Variants in CDK14 observed in about 807,000 individuals in gnomAD.
CDK14 encodes the protein cyclin-dependent kinase 14.
A neutral mutation model predicts 60.7 loss-of-function variants in CDK14; 34 were observed. The ratio of observed to expected loss-of-function variants is 0.56; its 90% CI spans 0.43 to 0.75. The LOEUF (loss-of-function observed/expected upper bound fraction) is 0.75. Ranked by LOEUF, CDK14 falls within the 30% of genes least tolerant of loss-of-function variation. The pLI is 0.00. For missense variants in CDK14, 482 were observed against 564.1 expected, an observed-to-expected ratio of 0.85 and a Z score of 1.47; for synonymous variants, 197 against 203.7, an observed-to-expected ratio of 0.97 and a Z score of 0.28.
At chr7:91,206,885 C>T (rs1029725079) in intron 14 of CDK14, among the ~76,000 whole-genome samples, 1 of 152,090 alleles carries the variant, frequency 6.6e-6, no homozygotes, top group South Asian at 2.1e-4. Context: ...TGCTGAATTT[C>T]TTTTTCTCTA....
intron 14 of CDK14, among the ~76,000 whole-genome samples, chr7:91,125,918 T>C (rs536511298): frequency 6.6e-6 from 1 of 152,306 alleles, no homozygotes; most frequent in South Asian, 2.1e-4. Context: ...CAATTACATA[T>C]AATAATTACT....
At chr7:91,038,139 C>T (rs1796984982) in intron 10 of CDK14, among the ~76,000 whole-genome samples, 1 of 152,154 alleles carries the variant, frequency 6.6e-6, no homozygotes, top group African/African-American at 2.4e-5. Flanking sequence ...TTTGCATTAC[C>T]ATTCTGCTCC....
chr7:91,050,279 A>G (rs1797353279), intron 11 of CDK14, among the ~76,000 whole-genome samples: 1 of 152,164 alleles, frequency 6.6e-6, no homozygotes, highest in Non-Finnish European at 1.5e-5. Context: ...GGGCCAGAGA[A>G]GAAGCAGGGG....
At chr7:91,185,299 C>A (rs1802137672) in intron 14 of CDK14, among the ~76,000 whole-genome samples, 1 of 131,718 alleles carries the variant, frequency 7.6e-6, no homozygotes, top group Admixed American at 7.8e-5. Context: ...TCAGTTCTAA[C>A]CATCATGCCC....
intron 9 of CDK14, among the ~76,000 whole-genome samples, chr7:90,967,455 A>C (rs1455356226): frequency 6.6e-6 from 1 of 152,168 alleles, no homozygotes; most frequent in African/African-American, 2.4e-5. Context: ...CACAAATTTA[A>C]CTTGCATATG....
intron 2 of CDK14, among the ~76,000 whole-genome samples, chr7:90,634,880 C>T (rs1269931221): frequency 5.3e-5 from 8 of 152,034 alleles, no homozygotes; most frequent in South Asian, 2.1e-4. Flanking sequence ...TCTCTGATGG[C>T]CAGTGATGAT....
chr7:90,657,510 A>G (rs1015349794), intron 2 of CDK14, among the ~76,000 whole-genome samples: 1 of 152,194 alleles, frequency 6.6e-6, no homozygotes, highest in Non-Finnish European at 1.5e-5. Flanking sequence ...GATGTTCTAG[A>G]TCTATATAAA....
intron 2 of CDK14, among the ~76,000 whole-genome samples, chr7:90,702,933 A>G (rs1801818760): frequency 6.6e-6 from 1 of 152,102 alleles, no homozygotes; most frequent in African/African-American, 2.4e-5. Flanking sequence ...GAAAATTTGG[A>G]AAGCTGGGAC....
intron 4 of CDK14, among the ~76,000 whole-genome samples, chr7:90,783,401 A>G (rs988003000): frequency 1.4e-4 from 21 of 152,168 alleles, no homozygotes; most frequent in Non-Finnish European, 2.2e-4. Context: ...TGCCCAACCA[A>G]TGTTCTGAAG....
intron 12 of CDK14, among the ~76,000 whole-genome samples, chr7:91,110,502 C>A (rs2116345766): frequency 6.6e-6 from 1 of 152,238 alleles, no homozygotes; most frequent in Non-Finnish European, 1.5e-5. Flanking sequence ...TGGTTCATCA[C>A]TATTTTTCAA....
At chr7:90,973,592 A>G (rs541125441) in intron 9 of CDK14, among the ~76,000 whole-genome samples, 2 of 152,160 alleles carry the variant, frequency 1.3e-5, no homozygotes, top group South Asian at 2.1e-4. Flanking sequence ...GGTTCTTTCT[A>G]TTTTCCTAAG....
chr7:91,162,696 G>A (rs1444785956), intron 14 of CDK14, among the ~76,000 whole-genome samples: 1 of 152,176 alleles, frequency 6.6e-6, no homozygotes, highest in African/African-American at 2.4e-5. Context: ...ACCATATGAA[G>A]AAAATAATAG....
chr7:91,015,630 C>G (rs1217238174), intron 10 of CDK14, among the ~76,000 whole-genome samples: 1 of 145,974 alleles, frequency 6.9e-6, no homozygotes, highest in Non-Finnish European at 1.5e-5. Context: ...CGGGTTCAAG[C>G]CATTCTCCTG....
chr7:90,854,390 A>C (rs955337336), intron 5 of CDK14, among the ~76,000 whole-genome samples: 1 of 151,998 alleles, frequency 6.6e-6, no homozygotes, highest in African/African-American at 2.4e-5. Flanking sequence ...ACAACAACAA[A>C]ACATTAGCCA....
intron 2 of CDK14, among the ~76,000 whole-genome samples, chr7:90,706,069 C>G (rs1002281347): frequency 4.6e-5 from 7 of 152,114 alleles, no homozygotes; most frequent in Non-Finnish European, 1.0e-4. Context: ...TTGTTTTTCT[C>G]TCTGTCCACT....
chr7:90,610,599 C>T (rs1488365317), intron 2 of CDK14, among the ~76,000 whole-genome samples: 1 of 152,230 alleles, frequency 6.6e-6, no homozygotes, highest in Non-Finnish European at 1.5e-5. Context: ...AGAAGTCTGA[C>T]AAACAGTAGC....
intron 2 of CDK14, among the ~76,000 whole-genome samples, chr7:90,674,914 T>C (rs1327160125): frequency 1.3e-5 from 2 of 152,258 alleles, no homozygotes; most frequent in Non-Finnish European, 2.9e-5. Flanking sequence ...AGCTCAGCTC[T>C]GTCCATCTGG....
chr7:90,983,732 C>T (rs1795302883), intron 9 of CDK14, among the ~76,000 whole-genome samples: 1 of 151,850 alleles, frequency 6.6e-6, no homozygotes, highest in African/African-American at 2.4e-5. Context: ...ATGGATGCAG[C>T]TGGAGGCCAT....
intron 14 of CDK14, among the ~76,000 whole-genome samples, chr7:91,176,742 T>A (rs1801774466): frequency 1.3e-5 from 2 of 151,018 alleles, no homozygotes; most frequent in Admixed American, 1.3e-4. Flanking sequence ...ACATACACTC[T>A]CCCAAGACTA....
Sources: allele counts gnomAD v4.1 joint callset (sites outside exome capture counted in the v4.1 genomes callset), GRCh38; gene constraint gnomAD v4.1.1; transcripts MANE v1.5; gene names NCBI Gene and HGNC (gene_info 2026-07-23, HGNC 2026-07-21).